WDR64: variants seen among roughly 807,000 people sequenced by gnomAD.
WDR64 encodes the protein WD repeat-containing protein 64.
A neutral mutation model predicts 139.3 loss-of-function variants in WDR64; 112 were observed. The ratio of observed to expected loss-of-function variants is 0.80; its 90% CI spans 0.69 to 0.94. The LOEUF (loss-of-function observed/expected upper bound fraction) is 0.94. Ranked by LOEUF, WDR64 falls within the 40% of genes least tolerant of loss-of-function variation. The probability of loss-of-function intolerance (pLI) is 0.00; values close to 1 mark genes in which losing one functional copy is unlikely to be tolerated. For missense variants in WDR64, 1,206 were observed against 1,293.1 expected, an observed-to-expected ratio of 0.93 and a Z score of 1.03; for synonymous variants, 444 against 437.7, an observed-to-expected ratio of 1.01 and a Z score of -0.18.
intron 9 of WDR64, among the ~76,000 whole-genome samples, chr1:241,717,569 CT>C (rs1558488484): frequency 6.6e-6 from 1 of 151,822 alleles, no homozygotes; most frequent in African/African-American, 2.4e-5. Context: ...AGAAAATCCT[CT>C]CTTTGATATG....
intron 13 of WDR64, among the ~76,000 whole-genome samples, chr1:241,748,101 C>T (rs1298760513): frequency 6.6e-6 from 1 of 152,192 alleles, no homozygotes; most frequent in African/African-American, 2.4e-5. Flanking sequence ...AAAGTCCCAC[C>T]AGCATCCGTC....
chr1:241,757,452 C>T lies in WDR64; in HGVS notation c.1940C>T (p.Pro647Leu), dbSNP rs1417587678. 1.2e-6 allele frequency: 2 copies of T among 1,605,628 alleles called. No homozygotes were observed. Among genetic ancestry groups the T allele is most frequent in the Non-Finnish European group, 1.7e-6 (2 of 1,176,630 alleles). Residue 647 changes from proline (P) to leucine (L), a missense_variant, in exon 15 of 28, where the codon CCT becomes CTT. Physicochemically the swap from Pro to Leu is moderately conservative, Grantham distance 98 (BLOSUM62 -3). Transcript: ENST00000437684. The stretch of plus-strand genomic sequence containing the variant: ...ATAGTTGAGAGGAACTTTTCTCAAC[C>T]TACTGATGTAAGTTTCCTCTCTTGG... The part of the protein sequence containing the change: ...ELIVERNFSQ[P>L]TDNPTMDLLR...
intron 14 of WDR64, among the ~76,000 whole-genome samples, chr1:241,753,977 G>A (rs1574070528): frequency 6.6e-6 from 1 of 151,990 alleles, no homozygotes; most frequent in South Asian, 2.1e-4. Context: ...GTCACAGACC[G>A]TGAAAAGACC....
intron 9 of WDR64, among the ~76,000 whole-genome samples, chr1:241,722,266 C>G (rs1170267530): frequency 6.6e-6 from 1 of 152,078 alleles, no homozygotes; most frequent in Non-Finnish European, 1.5e-5. Flanking sequence ...TAAATCATGA[C>G]AATATTCATG....
At chr1:241,774,967 C>A in intron 20 of WDR64, 138 bp from the exon 21 acceptor site, 2 of 666,296 alleles carry the variant, frequency 3.0e-6, no homozygotes, top group Non-Finnish European at 5.0e-6. Context: ...ATTTTCATTA[C>A]AAACAGGGGA....
intron 9 of WDR64, among the ~76,000 whole-genome samples, chr1:241,716,179 C>T (rs902413891): frequency 1.3e-5 from 2 of 151,522 alleles, no homozygotes; most frequent in African/African-American, 4.9e-5. Flanking sequence ...GGTATGTACC[C>T]GCTGACGACT....
chr1:241,660,740 T>C (rs1665800293), intron 2 of WDR64, 80 bp downstream of exon 2: 1 of 1,483,454 alleles, frequency 6.7e-7, no homozygotes, highest in African/African-American at 1.4e-5. Flanking sequence ...AACAAAGTGT[T>C]ACTGCCACAG....
intron 1 of WDR64, among the ~76,000 whole-genome samples, chr1:241,658,754 T>C (rs1379814574): frequency 6.6e-6 from 1 of 152,142 alleles, no homozygotes; most frequent in Non-Finnish European, 1.5e-5. Context: ...AGGCAATTCA[T>C]TCTTGAATTT....
At chr1:241,684,136 A>G (rs2148111457) in intron 7 of WDR64, among the ~76,000 whole-genome samples, 1 of 152,366 alleles carries the variant, frequency 6.6e-6, no homozygotes. Context: ...AGATTTGACT[A>G]TATACAAAAT....
In WDR64 at chr1:241,787,951, T is replaced by C. The variant is rs780728161; in HGVS notation, c.2808T>C (p.Thr936=). 2 of 1,611,824 alleles carry C rather than the reference T, an allele frequency of 1.2e-6. No individual in the cohort carries two copies. The highest frequency in any genetic ancestry group is 2.7e-5 in the African/African-American group (2 of 74,778). The change falls in exon 24 of 28, where the codon ACT becomes ACC. Residue 936 remains threonine (T), a synonymous_variant. Transcript: ENST00000437684. The stretch of plus-strand genomic sequence containing the variant: ...ATTTCATTTTGCCTTGTGATGTTAC[T>C]GAATATCCCATAGAAATAAAAGAAG... ...TRDFILPCDV[T]EYPIEIKEES... is the part of the protein sequence containing the mutation.
At chr1:241,788,187 G>A (rs1033847453) in intron 24 of WDR64, among the ~76,000 whole-genome samples, 153 bp downstream of exon 24, 1 of 152,172 alleles carries the variant, frequency 6.6e-6, no homozygotes, top group Non-Finnish European at 1.5e-5. Flanking sequence ...TGTAAACAAA[G>A]CTATAATTGG....
intron 24 of WDR64, among the ~76,000 whole-genome samples, chr1:241,789,865 T>C (rs989686687): frequency 1.3e-5 from 2 of 152,102 alleles, no homozygotes; most frequent in Non-Finnish European, 2.9e-5. Flanking sequence ...AACCTGCACA[T>C]GTACCACTGA....
At chr1:241,797,458 A>G (rs1160807916) in intron 27 of WDR64, among the ~76,000 whole-genome samples, 2 of 152,216 alleles carry the variant, frequency 1.3e-5, no homozygotes, top group African/African-American at 2.4e-5. Flanking sequence ...GTAATTTTTT[A>G]TAAGTCTCCT....
At chr1:241,774,511 G>A (rs1238072965) in intron 20 of WDR64, among the ~76,000 whole-genome samples, 1 of 152,150 alleles carries the variant, frequency 6.6e-6, no homozygotes, top group Non-Finnish European at 1.5e-5. Context: ...TATTCTCTAA[G>A]CAAGATAATA....
Position 241,772,451 on chromosome 1 carries a change from C to CTTTTTTTTTTTTTTTTTTTTTT in WDR64, c.2291-333_2291-312dup, listed in dbSNP as rs534177884. ...AGTATTGCAAATTCCAAGATAGATCCTTTTTTTTTTTTTTTTTTTTTTTTT... is the reference window on the plus strand; with the variant it reads ...AGTATTGCAAATTCCAAGATAGATCCTTTTTTTTTTTTTTTTTTTTTTTTTTTTTTTTTTTTTTTTTTTTTTT... On this transcript the variant is annotated intron_variant, in intron 19 of 27. Transcript: ENST00000437684. 8.5e-5 allele frequency among the ~76,000 whole-genome samples: 5 copies of CTTTTTTTTTTTTTTTTTTTTTT among 59,054 alleles called. 1 individual carries two copies. Among genetic ancestry groups the CTTTTTTTTTTTTTTTTTTTTTT allele is most frequent in the African/African-American group, 3.2e-4 (5 of 15,644 alleles). The allele number at this position is 59,054 out of a possible 152,430, so 38.7% of individuals were successfully genotyped here. A position where few individuals can be genotyped will look rare whatever the true frequency, so the allele number is the denominator to read the frequency against.
At chr1:241,792,861 T>C (rs989023566) in intron 25 of WDR64, among the ~76,000 whole-genome samples, 3 of 152,154 alleles carry the variant, frequency 2.0e-5, no homozygotes, top group African/African-American at 4.8e-5. Context: ...AAGATGAAAA[T>C]AGGCCTATCC....
intron 10 of WDR64, among the ~76,000 whole-genome samples, chr1:241,735,533 C>CTCCCTTTTTTTTTTTTTTT (rs1553373537): frequency 1.2e-4 from 12 of 103,494 alleles, no homozygotes; most frequent in African/African-American, 4.6e-4. Context: ...CTCTCTCTCT[C>CTCCCTTTTTTTTTTTTTTT]TTTTTTTTTT....
At chr1:241,737,217 A>G (rs1669363640) in intron 10 of WDR64, among the ~76,000 whole-genome samples, 1 of 152,228 alleles carries the variant, frequency 6.6e-6, no homozygotes, top group Non-Finnish European at 1.5e-5. Flanking sequence ...TCAATGGTAC[A>G]AGTTCTGATA....
chr1:241,716,961 T>C (rs924044305), intron 9 of WDR64, among the ~76,000 whole-genome samples: 3 of 152,188 alleles, frequency 2.0e-5, no homozygotes, highest in Non-Finnish European at 4.4e-5. Flanking sequence ...ATACAAGTCA[T>C]AGATTTTCTT....
Sources: gnomAD v4.1 joint callset for allele counts (sites outside exome capture counted in the v4.1 genomes callset) on GRCh38, gnomAD v4.1.1 for gene constraint, MANE v1.5 for transcripts, NCBI Gene and HGNC (gene_info 2026-07-23, HGNC 2026-07-21) for gene names.